SHANK2: variants seen among roughly 807,000 people sequenced by gnomAD.
SHANK2 encodes the protein SH3 and multiple ankyrin repeat domains 2.
Under a neutral mutation model 133.7 loss-of-function variants are expected in SHANK2, and 43 were observed. The ratio of observed to expected loss-of-function variants is 0.32; its 90% confidence interval spans 0.25 to 0.41. The LOEUF (loss-of-function observed/expected upper bound fraction) is 0.41, where lower values mean the gene tolerates loss of function less well. Among genes scored for constraint, SHANK2 ranks in the 10% least tolerant of loss-of-function variants. SHANK2 has a pLI of 1.00. For missense variants in SHANK2, 1,994 were observed against 2,235.8 expected, an observed-to-expected ratio of 0.89 and a Z score of 2.18; for synonymous variants, 1,017 against 952.8, an observed-to-expected ratio of 1.07 and a Z score of -1.24.
At chr11:70,490,252 G>T in intron 23 of SHANK2, 24 bp downstream of exon 23, 1 of 1,590,380 alleles carries the variant, frequency 6.3e-7, no homozygotes, top group East Asian at 2.2e-5. Flanking sequence ...GGCAACTTCT[G>T]TGGGGGAGTG....
At chr11:71,187,975 G>A (rs151310892) in intron 2 of SHANK2, among the ~76,000 whole-genome samples, 28 of 152,298 alleles carry the variant, frequency 1.8e-4, no homozygotes, top group Admixed American at 4.6e-4. Context: ...TTGCTGTGAG[G>A]AAGGAACTGA....
intron 3 of SHANK2, among the ~76,000 whole-genome samples, chr11:71,129,411 T>C (rs532290839): frequency 6.6e-6 from 1 of 152,260 alleles, no homozygotes; most frequent in East Asian, 1.9e-4. Context: ...TTAGTACAGT[T>C]CATGGTCAAG....
chr11:70,931,130 T>C (rs1038136645), intron 10 of SHANK2, among the ~76,000 whole-genome samples: 2 of 152,200 alleles, frequency 1.3e-5, no homozygotes, highest in East Asian at 3.8e-4. Flanking sequence ...AGCCACATGT[T>C]ACATGATTCC....
At chr11:70,836,812 T>C (rs1590742135) in intron 11 of SHANK2, among the ~76,000 whole-genome samples, 1 of 152,184 alleles carries the variant, frequency 6.6e-6, no homozygotes, top group East Asian at 1.9e-4. Context: ...GGCCTGAAGG[T>C]TTACATCCCC....
chr11:71,113,585 TAAAG>T (rs1311534363), intron 4 of SHANK2, among the ~76,000 whole-genome samples: 1 of 152,136 alleles, frequency 6.6e-6, no homozygotes, highest in East Asian at 1.9e-4. Context: ...AAAAGCCATA[TAAAG>T]AAACAGGAGC....
rs372082613 is a variant in SHANK2, at chr11:70,589,461, T to C, written c.2061+70367A>G. On this transcript the variant is annotated intron_variant, in intron 17 of 25. Coordinates refer to ENST00000601538, the MANE Select transcript of SHANK2 (RefSeq NM_012309.5). ...GAGATTCCATTCCAAATGTTACTGC[T>C]CATGGACAATGAACCTGGTCACCCA... Among the ~76,000 whole-genome samples the C allele has an allele frequency of 3.2e-4, 49 of 152,310 alleles. 1 individual carries two copies. In the South Asian group the frequency reaches 9.3e-3, roughly 29 times the overall value.
At chr11:70,798,116 G>A (rs151297739) in intron 14 of SHANK2, among the ~76,000 whole-genome samples, 11 of 152,226 alleles carry the variant, frequency 7.2e-5, no homozygotes, top group Non-Finnish European at 1.3e-4. Context: ...TTATGCCATC[G>A]ATAGAAGAGA....
chr11:70,576,052 C>G (rs1010541500), intron 17 of SHANK2, among the ~76,000 whole-genome samples: 2 of 152,072 alleles, frequency 1.3e-5, no homozygotes, highest in Admixed American at 6.5e-5. Context: ...TGTGTTCCCC[C>G]CTCTCCCCAC....
Position 70,500,865 on chromosome 11 carries a change from C to A in SHANK2, c.2288-275G>T. ...AAGGGGCTTTCCTTCTTCCTCAGCA[C>A]CCCTTGTCCCACCAGCACCCTGCCA... On this transcript the variant is annotated intron_variant, in intron 20 of 25. Coordinates refer to ENST00000601538, the MANE Select transcript of SHANK2 (RefSeq NM_012309.5). The surrounding 1 kb of genome is among the most constrained non-coding windows in gnomAD (Gnocchi z 4.5). 4 of 685,180 alleles carry A rather than the reference C, an allele frequency of 5.8e-6. No homozygotes were observed. The highest frequency in any genetic ancestry group is 1.5e-5 in the South Asian group (1 of 65,514). The allele number at this position is 685,180 out of a possible 1,614,324, so 42.4% of individuals were successfully genotyped here. A position where few individuals can be genotyped will look rare whatever the true frequency, so the allele number is the denominator to read the frequency against.
chr11:70,938,668 G>A (rs906591721), intron 10 of SHANK2, among the ~76,000 whole-genome samples: 21 of 152,316 alleles, frequency 1.4e-4, no homozygotes, highest in Non-Finnish European at 1.6e-4. Flanking sequence ...AAAGAGCCCA[G>A]AAGGCAATGG....
intron 3 of SHANK2, among the ~76,000 whole-genome samples, chr11:71,128,872 C>A (rs544437481): frequency 6.6e-6 from 1 of 152,310 alleles, no homozygotes; most frequent in African/African-American, 2.4e-5. Flanking sequence ...GCAACCTCCA[C>A]CTCCTGGGTT....
chr11:71,091,864 C>A (rs149325028), intron 8 of SHANK2, among the ~76,000 whole-genome samples: 60 of 152,324 alleles, frequency 3.9e-4, no homozygotes, highest in African/African-American at 1.3e-3. Context: ...GCCTTTAACC[C>A]CGTCCACACC....
chr11:70,697,752 G>C (rs1386042301), intron 15 of SHANK2, among the ~76,000 whole-genome samples: 1 of 152,188 alleles, frequency 6.6e-6, no homozygotes, highest in Non-Finnish European at 1.5e-5. Flanking sequence ...TGGAGGTCGG[G>C]GAAGAACCCA....
intron 2 of SHANK2, among the ~76,000 whole-genome samples, chr11:71,151,840 C>G (rs1555108150): frequency 1.3e-5 from 2 of 152,114 alleles, no homozygotes; most frequent in Non-Finnish European, 2.9e-5. Flanking sequence ...GTGTAGGAAG[C>G]CCCCCCTCAG....
At chr11:70,600,663 G>A (rs61885155) in intron 17 of SHANK2, among the ~76,000 whole-genome samples, 27,856 of 151,900 alleles carry the variant, frequency 0.18, 2,766 homozygotes, top group Middle Eastern at 0.24. Context: ...GGTTTATGAC[G>A]CCTCCAGCAC....
chr11:70,811,543 AC>A (rs1320283074), intron 12 of SHANK2, among the ~76,000 whole-genome samples: 2 of 151,438 alleles, frequency 1.3e-5, no homozygotes, highest in Admixed American at 6.6e-5. Flanking sequence ...CCACTCATCC[AC>A]CCACTATCCA....
chr11:70,476,083 G>A (rs2135679394), intron 25 of SHANK2, among the ~76,000 whole-genome samples: 1 of 152,090 alleles, frequency 6.6e-6, no homozygotes, highest in South Asian at 2.1e-4. Flanking sequence ...AAAAAAATTA[G>A]CTGAGTGTGG....
intron 14 of SHANK2, among the ~76,000 whole-genome samples, chr11:70,725,146 C>T (rs1165973250): frequency 3.9e-5 from 6 of 152,060 alleles, no homozygotes; most frequent in African/African-American, 9.7e-5. Flanking sequence ...CTATCTTTAG[C>T]GTAAATAACA....
chr11:71,165,974 C>T (rs1354059733), intron 2 of SHANK2, among the ~76,000 whole-genome samples: 2 of 152,172 alleles, frequency 1.3e-5, no homozygotes, highest in Non-Finnish European at 2.9e-5. Flanking sequence ...GACAACTCTC[C>T]AACCTCCCGC....
Sources: gnomAD v4.1 joint callset for allele counts (sites outside exome capture counted in the v4.1 genomes callset) on GRCh38, gnomAD v4.1.1 for gene constraint, Gnocchi (gnomAD v3.1) non-coding constraint, MANE v1.5 for transcripts, NCBI Gene and HGNC (gene_info 2026-07-23, HGNC 2026-07-21) for gene names.